B3GALT1: variants seen among roughly 807,000 people sequenced by gnomAD.
The protein encoded by B3GALT1 is UDP-Gal:betaGlcNAc beta 1,3-galactosyltransferase, polypeptide 1.
B3GALT1 carries 10 observed loss-of-function variants against 23.2 expected under a neutral mutation model. The ratio of observed to expected loss-of-function variants is 0.43; its 90% confidence interval spans 0.27 to 0.73. The LOEUF (loss-of-function observed/expected upper bound fraction) is 0.73, where lower values mean the gene tolerates loss of function less well. Ranked by LOEUF, B3GALT1 falls within the 30% of genes least tolerant of loss-of-function variation. The pLI, the probability that B3GALT1 is intolerant of heterozygous loss-of-function variation, is 0.21. For synonymous variants in B3GALT1, 156 were observed against 141.5 expected (o/e 1.10, Z -0.73); for missense variants, 299 against 405.4 (o/e 0.74, Z 2.25).
chr2:167,823,779 T>G (rs1415463569), intron 4 of B3GALT1, among the ~76,000 whole-genome samples: 1 of 152,224 alleles, frequency 6.6e-6, no homozygotes, highest in African/African-American at 2.4e-5. Context: ...GAATATGCTG[T>G]CAGCATATCA....
At chr2:167,804,055 G>T (rs1427440601) in intron 3 of B3GALT1, among the ~76,000 whole-genome samples, 1 of 152,160 alleles carries the variant, frequency 6.6e-6, no homozygotes, top group African/African-American at 2.4e-5. Context: ...GAGTACAGAG[G>T]CGTGATCTCG....
At chr2:167,790,341 T>C (rs1688413206) in intron 3 of B3GALT1, among the ~76,000 whole-genome samples, 1 of 152,214 alleles carries the variant, frequency 6.6e-6, no homozygotes, top group African/African-American at 2.4e-5. Flanking sequence ...GGGTGGGCTT[T>C]GGTAATCTAC....
chr2:167,782,141 GTC>G (rs1282722229), intron 3 of B3GALT1, among the ~76,000 whole-genome samples: 1 of 152,162 alleles, frequency 6.6e-6, no homozygotes, highest in African/African-American at 2.4e-5. Flanking sequence ...ACAATAGTAA[GTC>G]TCACACTGTG....
intron 1 of B3GALT1, among the ~76,000 whole-genome samples, chr2:167,484,584 T>C (rs536042403): frequency 6.6e-6 from 1 of 152,164 alleles, no homozygotes; most frequent in African/African-American, 2.4e-5. Flanking sequence ...GTTGAAAGAG[T>C]TAAGTTATTA....
At chr2:167,647,710 C>T (rs1574188878) in intron 3 of B3GALT1, among the ~76,000 whole-genome samples, 1 of 152,224 alleles carries the variant, frequency 6.6e-6, no homozygotes, top group East Asian at 1.9e-4. Flanking sequence ...GTTCATGCCA[C>T]AGATCTAGTT....
chr2:167,671,753 C>A (rs1418031960), intron 3 of B3GALT1, among the ~76,000 whole-genome samples: 1 of 151,634 alleles, frequency 6.6e-6, no homozygotes, highest in Non-Finnish European at 1.5e-5. Context: ...ATAGACTTAG[C>A]ACAAAGTAAT....
chr2:167,496,514 G>A (rs113524004), intron 2 of B3GALT1, among the ~76,000 whole-genome samples: 1,855 of 152,226 alleles, frequency 0.012, 18 homozygotes, highest in Middle Eastern at 0.02. Context: ...GAAGGTAGTG[G>A]ATATTATAAG....
chr2:167,332,007 T>G (rs1696980146), intron 1 of B3GALT1, among the ~76,000 whole-genome samples: 1 of 152,088 alleles, frequency 6.6e-6, no homozygotes, highest in Non-Finnish European at 1.5e-5. Context: ...TCTGGTGAGG[T>G]GGGGGCTATG....
At chr2:167,324,225 A>C (rs1394444748) in intron 1 of B3GALT1, among the ~76,000 whole-genome samples, 1 of 152,088 alleles carries the variant, frequency 6.6e-6, no homozygotes. Context: ...GTATGGGCCA[A>C]AATTACCATA....
chr2:167,560,396 A>C (rs1449683892), intron 2 of B3GALT1, among the ~76,000 whole-genome samples: 1 of 152,196 alleles, frequency 6.6e-6, no homozygotes, highest in Non-Finnish European at 1.5e-5. Context: ...AACTGCATCA[A>C]CTAACAAGCA....
intron 3 of B3GALT1, among the ~76,000 whole-genome samples, 113 bp downstream of exon 3, chr2:167,647,079 A>C (rs1372461420): frequency 1.3e-5 from 2 of 152,144 alleles, no homozygotes; most frequent in African/African-American, 4.8e-5. Flanking sequence ...AGAATAGAGA[A>C]ATCACCTGCA....
At position 167,862,093 on chromosome 2, in the gene B3GALT1, T is replaced by G. The variant is rs142898945; in HGVS notation, c.-229-6718T>G. Among the ~76,000 whole-genome samples the G allele has an allele frequency of 3.6e-3, 546 of 152,264 alleles. 6 individuals carry two copies. Among genetic ancestry groups the G allele is most frequent in the African/African-American group, 0.012 (518 of 41,560 alleles). On this transcript the variant is annotated intron_variant, in intron 4 of 4. Coordinates refer to ENST00000392690, the MANE Select transcript of B3GALT1 (RefSeq NM_020981.4). Reference sequence around the variant, plus strand: ...CAAGACATAAGAAATCAGTGTTGACTTGTATTTGCCTATAGTTAGGATTCT... The same window carrying G: ...CAAGACATAAGAAATCAGTGTTGACGTGTATTTGCCTATAGTTAGGATTCT...
intron 4 of B3GALT1, among the ~76,000 whole-genome samples, chr2:167,835,876 C>G (rs1213634618): frequency 6.6e-6 from 1 of 152,202 alleles, no homozygotes; most frequent in East Asian, 1.9e-4. Flanking sequence ...TCACGAAAAA[C>G]CACTGTTCTG....
chr2:167,510,153 A>G (rs1379333687), intron 2 of B3GALT1, among the ~76,000 whole-genome samples: 2 of 152,194 alleles, frequency 1.3e-5, no homozygotes, highest in Non-Finnish European at 2.9e-5. Context: ...GTAGTCAGAC[A>G]CGAGCCAAGC....
At chr2:167,697,997 A>G (rs1032839084) in intron 3 of B3GALT1, among the ~76,000 whole-genome samples, 3 of 152,228 alleles carry the variant, frequency 2.0e-5, no homozygotes, top group Non-Finnish European at 4.4e-5. Flanking sequence ...ATTATGTAGC[A>G]TTGGAAATGT....
chr2:167,426,313 C>T (rs1316975441), intron 1 of B3GALT1, among the ~76,000 whole-genome samples: 5 of 145,342 alleles, frequency 3.4e-5, no homozygotes, highest in South Asian at 2.2e-4. Flanking sequence ...CTTGCTCTGT[C>T]GCCCAGGCTG....
intron 1 of B3GALT1, among the ~76,000 whole-genome samples, chr2:167,379,507 G>A (rs73019802): frequency 5.9e-5 from 9 of 152,042 alleles, no homozygotes; most frequent in Non-Finnish European, 8.8e-5. Context: ...TTCTACAGCC[G>A]TGTGCACTTC....
intron 3 of B3GALT1, among the ~76,000 whole-genome samples, chr2:167,808,449 TC>T (rs922289806): frequency 4.0e-5 from 6 of 149,422 alleles, no homozygotes; most frequent in African/African-American, 1.5e-4. Context: ...ACTTAGTTCT[TC>T]CTTCAGGAGC....
At chr2:167,579,760 C>CT (rs1296484596) in intron 2 of B3GALT1, among the ~76,000 whole-genome samples, 2 of 151,974 alleles carry the variant, frequency 1.3e-5, no homozygotes, top group Admixed American at 6.6e-5. Flanking sequence ...AATTGTTGCT[C>CT]TTTTTTTGTC....
Sources: allele counts gnomAD v4.1 joint callset (sites outside exome capture counted in the v4.1 genomes callset), GRCh38; gene constraint gnomAD v4.1.1; transcripts MANE v1.5; gene names NCBI Gene and HGNC (gene_info 2026-07-23, HGNC 2026-07-21).